Variants in CACNB2 observed in about 807,000 individuals in gnomAD.
The protein encoded by CACNB2 is voltage-dependent L-type calcium channel subunit beta-2.
A neutral mutation model predicts 73.3 loss-of-function variants in CACNB2; 42 were observed. The ratio of observed to expected loss-of-function variants is 0.57; its 90% CI spans 0.45 to 0.74. The LOEUF (loss-of-function observed/expected upper bound fraction) is 0.74. CACNB2 is among the 30% of genes least tolerant of loss of function. CACNB2 has a pLI of 0.00. For synonymous variants in CACNB2, 348 were observed against 310.3 expected, an observed-to-expected ratio of 1.12 and a Z score of -1.28; for missense variants, 940 against 853.0, an observed-to-expected ratio of 1.10 and a Z score of -1.27.
At chr10:18,299,081 TAA>T (rs1224404182) in intron 2 of CACNB2, among the ~76,000 whole-genome samples, 2 of 37,010 alleles carry the variant, frequency 5.4e-5, no homozygotes, top group Non-Finnish European at 1.2e-4. Context: ...AAAAAAAAAA[TAA>T]AAAATAAAAG....
At chr10:18,289,284 G>GT (rs1489491866) in intron 2 of CACNB2, among the ~76,000 whole-genome samples, 1,340 of 85,468 alleles carry the variant, frequency 0.016, 122 homozygotes, top group South Asian at 0.036. Flanking sequence ...TTTTTTTCTT[G>GT]TTTTTTTGTT....
At chr10:18,186,409 A>C (rs1233125801) in intron 2 of CACNB2, among the ~76,000 whole-genome samples, 1 of 150,338 alleles carries the variant, frequency 6.7e-6, no homozygotes, top group East Asian at 2.0e-4. Context: ...ACAAGAGTGA[A>C]ACTCCGTCTG....
intron 2 of CACNB2, among the ~76,000 whole-genome samples, chr10:18,385,432 C>A (rs1335956072): frequency 7.8e-6 from 1 of 127,586 alleles, no homozygotes; most frequent in African/African-American, 3.0e-5. Context: ...AGCTAGCCTA[C>A]ATACTCATAA....
At chr10:18,236,471 T>A (rs16917080) in intron 2 of CACNB2, among the ~76,000 whole-genome samples, 3 of 152,216 alleles carry the variant, frequency 2.0e-5, no homozygotes, top group Non-Finnish European at 2.9e-5. Flanking sequence ...ATTACATGTC[T>A]TGGACAATCT....
chr10:18,391,018 A>T (rs1444780112), intron 2 of CACNB2, among the ~76,000 whole-genome samples: 3 of 152,252 alleles, frequency 2.0e-5, no homozygotes, highest in Non-Finnish European at 4.4e-5. Context: ...ATAAGTTGTA[A>T]TCATATTTTC....
At chr10:18,221,150 T>C (rs1757219) in intron 2 of CACNB2, among the ~76,000 whole-genome samples, 98,123 of 151,944 alleles carry the variant, frequency 0.65, 32,683 homozygotes, top group Non-Finnish European at 0.73. Context: ...AGAGGTTCTT[T>C]TGAAAGGTAT....
intron 2 of CACNB2, among the ~76,000 whole-genome samples, chr10:18,374,608 G>T (rs761210622): frequency 1.3e-5 from 2 of 152,144 alleles, no homozygotes; most frequent in Non-Finnish European, 2.9e-5. Context: ...TCAAGGCTAA[G>T]GTGGTGTAAT....
intron 2 of CACNB2, among the ~76,000 whole-genome samples, chr10:18,347,853 T>C (rs570314701): frequency 1.3e-5 from 2 of 152,224 alleles, no homozygotes; most frequent in African/African-American, 4.8e-5. Flanking sequence ...TTAATGAGAT[T>C]TAATGTTCAA....
intron 2 of CACNB2, among the ~76,000 whole-genome samples, chr10:18,186,817 GA>G (rs1478380280): frequency 6.6e-6 from 1 of 152,126 alleles, no homozygotes; most frequent in Non-Finnish European, 1.5e-5. Context: ...TTTGGGCAGG[GA>G]CACAGATCCA....
intron 2 of CACNB2, among the ~76,000 whole-genome samples, chr10:18,160,389 T>G (rs1213753127): frequency 6.6e-6 from 1 of 152,190 alleles, no homozygotes; most frequent in African/African-American, 2.4e-5. Context: ...TTTATTTTCT[T>G]CAACTCTCAG....
chr10:18,226,024 T>G (rs967030227), intron 2 of CACNB2, among the ~76,000 whole-genome samples: 1 of 140,920 alleles, frequency 7.1e-6, no homozygotes, highest in Admixed American at 6.7e-5. Context: ...TCTTTTCTTT[T>G]CTTTTCTTTT....
At chr10:18,347,989 G>A (rs960008772) in intron 2 of CACNB2, among the ~76,000 whole-genome samples, 11 of 152,042 alleles carry the variant, frequency 7.2e-5, no homozygotes, top group African/African-American at 9.7e-5. Context: ...TTTGATATCT[G>A]GGCATTCTTT....
At chr10:18,308,484 C>T (rs559692684) in intron 2 of CACNB2, among the ~76,000 whole-genome samples, 77 of 152,286 alleles carry the variant, frequency 5.1e-4, no homozygotes, top group Middle Eastern at 3.4e-3. Context: ...CCAGGGGACC[C>T]TGGTGTCTGT....
intron 2 of CACNB2, among the ~76,000 whole-genome samples, chr10:18,322,730 A>C (rs1326589792): frequency 6.6e-6 from 1 of 152,180 alleles, no homozygotes; most frequent in East Asian, 1.9e-4. Context: ...ATAAATTCTT[A>C]AAGTATCTTA....
intron 3 of CACNB2, among the ~76,000 whole-genome samples, chr10:18,414,483 CTTTTTTT>C (rs11384501): frequency 1.5e-5 from 2 of 132,178 alleles, no homozygotes; most frequent in South Asian, 2.4e-4. Context: ...TTACTACTAC[CTTTTTTT>C]TTTTTTTTTT....
chr10:18,401,219 A>G, intron 2 of CACNB2: 1 of 1,222,048 alleles, frequency 8.2e-7, no homozygotes, highest in South Asian at 1.3e-5. Context: ...TGATTGCAGG[A>G]GAGGGAAGCT....
At chr10:18,244,777 C>G (rs1283801344) in intron 2 of CACNB2, among the ~76,000 whole-genome samples, 1 of 152,142 alleles carries the variant, frequency 6.6e-6, no homozygotes, top group Non-Finnish European at 1.5e-5. Flanking sequence ...AATATGTTAC[C>G]TTATGTGGCA....
chr10:18,314,162 A>C (rs2040066105), intron 2 of CACNB2, among the ~76,000 whole-genome samples: 1 of 152,224 alleles, frequency 6.6e-6, no homozygotes, highest in African/African-American at 2.4e-5. Flanking sequence ...TATCATACTA[A>C]ATTCCCGATA....
intron 2 of CACNB2, among the ~76,000 whole-genome samples, chr10:18,314,585 A>G (rs1211749966): frequency 6.6e-6 from 1 of 152,186 alleles, no homozygotes; most frequent in Admixed American, 6.5e-5. Flanking sequence ...TGTGAGAAAA[A>G]AAAAACGTGA....
Sources: allele counts gnomAD v4.1 joint callset (sites outside exome capture counted in the v4.1 genomes callset), GRCh38; gene constraint gnomAD v4.1.1; transcripts MANE v1.5; gene names NCBI Gene and HGNC (gene_info 2026-07-23, HGNC 2026-07-21).